The following GMPS variants were observed in gnomAD, a reference collection of about 807,000 sequenced individuals.
The protein encoded by GMPS is guanosine monophosphate synthase, also known as GMP synthase [glutamine-hydrolyzing].
A neutral mutation model predicts 77.9 loss-of-function variants in GMPS; 15 were observed. The observed-to-expected ratio is 0.19, with a 90% CI of 0.13 to 0.30. GMPS has a LOEUF of 0.30. Among genes scored for constraint, GMPS ranks in the 10% least tolerant of loss-of-function variants. The pLI is 1.00. For synonymous variants in GMPS, 224 were observed against 275.9 expected, an observed-to-expected ratio of 0.81 and a Z score of 1.86; for missense variants, 590 against 838.8, an observed-to-expected ratio of 0.70 and a Z score of 3.66.
chr3:155,941,020 C>T lies in GMPS; in HGVS notation c.*3328C>T, dbSNP rs1476842951. 2 of 198,056 alleles carry T rather than the reference C, an allele frequency of 1.0e-5. No homozygotes were observed. Among genetic ancestry groups the T allele is most frequent in the East Asian group, 1.6e-4 (2 of 12,774 alleles). The allele number at this position is 198,056 out of a possible 1,614,324, so 12.3% of individuals were successfully genotyped here. On this transcript the variant is annotated 3_prime_UTR_variant, in exon 16 of 16. Transcript: ENST00000496455. ...GTCACCCATCATCAATTACATACAGCTAATTGTTGGGAGCTAGAGCTAGAA... is the reference window on the plus strand; with the variant it reads ...GTCACCCATCATCAATTACATACAGTTAATTGTTGGGAGCTAGAGCTAGAA...
intron 1 of GMPS, among the ~76,000 whole-genome samples, chr3:155,874,227 C>G (rs1285853289): frequency 6.6e-6 from 1 of 152,200 alleles, no homozygotes; most frequent in Non-Finnish European, 1.5e-5. Context: ...AAGTTTCCTA[C>G]TCTTTTCCCC....
At position 155,870,817 on chromosome 3, in the gene GMPS, C is replaced by A; in HGVS notation, c.-54C>A. 7.9e-7 allele frequency: 1 copy of A among 1,269,242 alleles called. No individual in the cohort carries two copies. 78.6% of individuals were successfully genotyped at this position (1,269,242 alleles called of 1,614,324 possible). ...GCGGCGCCGACCCTTCCGGCACCCT[C>A]CCGCCCCGTCTCGTACTGTCGCCGT... On this transcript the variant is annotated 5_prime_UTR_variant, in exon 1 of 16. Transcript: ENST00000496455.
intron 12 of GMPS, 132 bp downstream of exon 12, chr3:155,925,498 G>A: frequency 3.5e-6 from 2 of 571,750 alleles, no homozygotes; most frequent in East Asian, 6.1e-5. Context: ...TCCGCCTCCT[G>A]GGTTCAAGCA....
intron 10 of GMPS, among the ~76,000 whole-genome samples, chr3:155,920,152 C>T (rs924626737): frequency 5.9e-5 from 9 of 152,166 alleles, no homozygotes; most frequent in Non-Finnish European, 8.8e-5. Context: ...TTAGGGACAG[C>T]GACTAATTTG....
At chr3:155,872,380 A>G (rs1753927161) in intron 1 of GMPS, among the ~76,000 whole-genome samples, 2 of 152,110 alleles carry the variant, frequency 1.3e-5, no homozygotes, top group Non-Finnish European at 2.9e-5. Context: ...TGTAAACCCC[A>G]TTGTCCAGCT....
intron 5 of GMPS, among the ~76,000 whole-genome samples, chr3:155,907,904 G>A (rs1360309795): frequency 1.3e-5 from 2 of 152,188 alleles, no homozygotes; most frequent in East Asian, 1.9e-4. Context: ...GGAGCAGCAG[G>A]AATCCATGTG....
intron 4 of GMPS, 96 bp downstream of exon 4, chr3:155,904,056 C>A: frequency 1.7e-6 from 1 of 602,228 alleles, no homozygotes; most frequent in Non-Finnish European, 2.9e-6. Context: ...AATTCATAAA[C>A]AAAATTAAGG....
chr3:155,895,396 C>G (rs1208508636), intron 2 of GMPS: 2 of 152,114 alleles, frequency 1.3e-5, no homozygotes, highest in African/African-American at 4.8e-5. Context: ...GCCTCTGCCT[C>G]GCAGGTTCAA....
chr3:155,894,856 C>G (rs1259644783), intron 2 of GMPS, among the ~76,000 whole-genome samples: 4 of 152,160 alleles, frequency 2.6e-5, no homozygotes, highest in Non-Finnish European at 4.4e-5. Context: ...TAACAAATGA[C>G]TCTTTTAAAC....
chr3:155,879,730 C>CTTTTTT (rs58045835), intron 1 of GMPS, among the ~76,000 whole-genome samples: 2,748 of 107,474 alleles, frequency 0.026, 163 homozygotes, highest in South Asian at 0.11. Flanking sequence ...CTTTTTTGCC[C>CTTTTTT]TTTTTTTTTT....
chr3:155,942,385 G>A lies in GMPS; in HGVS notation c.*4693G>A. 1 of 209,960 alleles carries A rather than the reference G, an allele frequency of 4.8e-6. No individual in the cohort carries two copies. The highest frequency in any genetic ancestry group is 9.7e-6 in the Non-Finnish European group (1 of 103,436). 13.0% of individuals were successfully genotyped at this position (209,960 alleles called of 1,614,324 possible). A position where few individuals can be genotyped will look rare whatever the true frequency, so the allele number is the denominator to read the frequency against. On this transcript the variant is annotated 3_prime_UTR_variant, in exon 16 of 16. Transcript: ENST00000496455. ...TTACAGGCGTGAGCCACCACGCCCG[G>A]CAAGCATTTACAGTTTTAAATCTCC...
chr3:155,924,531 C>T (rs1434665713), intron 11 of GMPS, among the ~76,000 whole-genome samples: 1 of 151,976 alleles, frequency 6.6e-6, no homozygotes, highest in Non-Finnish European at 1.5e-5. Flanking sequence ...AGGACAACTA[C>T]TGCAAGAATA....
intron 1 of GMPS, 87 bp from the exon 2 acceptor site, chr3:155,893,431 G>T: frequency 1.2e-6 from 1 of 806,168 alleles, no homozygotes; most frequent in Non-Finnish European, 1.9e-6. Context: ...TGTGTTTTTG[G>T]AGCTGACAGT....
chr3:155,936,822 G>C (rs1755777208), intron 15 of GMPS, among the ~76,000 whole-genome samples: 1 of 152,162 alleles, frequency 6.6e-6, no homozygotes, highest in Non-Finnish European at 1.5e-5. Context: ...GAGTGAAGAA[G>C]AGTTTGTTAG....
Position 155,871,629 on chromosome 3 carries a change from G to GC in GMPS, c.27+737dup, listed in dbSNP as rs1165027687. On this transcript the variant is annotated intron_variant, in intron 1 of 15. Coordinates refer to ENST00000496455, the MANE Select transcript of GMPS (RefSeq NM_003875.3). The stretch of plus-strand genomic sequence containing the variant: ...AGGAAAGGGTGTGTGTCCAGGTCCC[G>GC]CCCCCGTCCAGCTTGCTCCCTGTCG... 2.6e-5 allele frequency among the ~76,000 whole-genome samples: 4 copies of GC among 152,170 alleles called. No homozygotes were observed. The South Asian group carries it at 8.3e-4, about 31-fold the overall frequency.
intron 8 of GMPS, among the ~76,000 whole-genome samples, chr3:155,914,787 C>T (rs141412941): frequency 6.6e-6 from 1 of 151,232 alleles, no homozygotes; most frequent in Non-Finnish European, 1.5e-5. Flanking sequence ...TTTTTTGAGA[C>T]AGAGTCTTGC....
Position 155,881,164 on chromosome 3 carries a change from GTTTTT to G in GMPS, c.27+10288_27+10292del, listed in dbSNP as rs11334499. On this transcript the variant is annotated intron_variant, in intron 1 of 15. Coordinates refer to ENST00000496455, the MANE Select transcript of GMPS (RefSeq NM_003875.3). ...GCCTGCTATGGATGCTTTGATATTA[GTTTTT>G]TTTTTTTTTTTTTTTTTTTTGAGAC... Among the ~76,000 whole-genome samples, 501 of 52,982 alleles carry G rather than the reference GTTTTT, an allele frequency of 9.5e-3. 1 individual carries two copies. Among genetic ancestry groups the G allele is most frequent in the Non-Finnish European group, 0.012 (366 of 29,380 alleles). The allele number at this position is 52,982 out of a possible 152,430, so 34.8% of individuals were successfully genotyped here. A position where few individuals can be genotyped will look rare whatever the true frequency, so the allele number is the denominator to read the frequency against.
intron 1 of GMPS, among the ~76,000 whole-genome samples, chr3:155,874,901 C>CTTTTTT (rs1171275758): frequency 2.0e-4 from 14 of 71,406 alleles, no homozygotes; most frequent in African/African-American, 2.2e-4. Context: ...ACTTTGTTTT[C>CTTTTTT]TTTTTTTTTT....
intron 3 of GMPS, among the ~76,000 whole-genome samples, chr3:155,902,373 G>A (rs950746709): frequency 6.6e-6 from 1 of 152,130 alleles, no homozygotes; most frequent in Non-Finnish European, 1.5e-5. Flanking sequence ...ACCAAATCTG[G>A]CCTACCACCT....
Sources: gnomAD v4.1 joint callset for allele counts (sites outside exome capture counted in the v4.1 genomes callset) on GRCh38, gnomAD v4.1.1 for gene constraint, MANE v1.5 for transcripts, NCBI Gene and HGNC (gene_info 2026-07-23, HGNC 2026-07-21) for gene names.